ITGAE: variants seen among roughly 807,000 people sequenced by gnomAD.
The protein encoded by ITGAE is integrin alpha-E.
A neutral mutation model predicts 136.5 loss-of-function variants in ITGAE; 99 were observed. The ratio of observed to expected loss-of-function variants is 0.73; its 90% confidence interval spans 0.62 to 0.86. The LOEUF (loss-of-function observed/expected upper bound fraction) is 0.86. ITGAE is among the 40% of genes least tolerant of loss of function. ITGAE has a pLI of 0.00. For missense variants in ITGAE, 1,447 were observed against 1,515.3 expected, an observed-to-expected ratio of 0.95 and a Z score of 0.75; for synonymous variants, 613 against 591.8, an observed-to-expected ratio of 1.04 and a Z score of -0.52.
intron 1 of ITGAE, among the ~76,000 whole-genome samples, chr17:3,800,646 A>G (rs540428085): frequency 6.6e-6 from 1 of 152,076 alleles, no homozygotes; most frequent in South Asian, 2.1e-4. Flanking sequence ...CACACCCTCT[A>G]CCATACAGAC....
chr17:3,765,122 G>A (rs530663690), intron 2 of ITGAE, among the ~76,000 whole-genome samples: 2 of 152,268 alleles, frequency 1.3e-5, no homozygotes, highest in East Asian at 3.9e-4. Flanking sequence ...GGCCGAGGCA[G>A]GCAGATCACG....
intron 9 of ITGAE, 100 bp downstream of exon 9, chr17:3,757,606 G>A (rs2052059991): frequency 2.3e-6 from 3 of 1,282,200 alleles, no homozygotes; most frequent in Non-Finnish European, 3.3e-6. Context: ...AACAGGGTCT[G>A]GATAAGCTGC....
rs2976237 is a variant in ITGAE, at chr17:3,762,401, C to A, written c.248-419G>T. On this transcript the variant is annotated intron_variant, in intron 3 of 30. Transcript: ENST00000263087. Reference sequence around the variant, plus strand: ...ACTGGCTGTGTGGACCAAGGAACCCCCCAGCCTCACAGACCCATCCTGGGG... The same window carrying A: ...ACTGGCTGTGTGGACCAAGGAACCCACCAGCCTCACAGACCCATCCTGGGG... 3.3e-5 allele frequency among the ~76,000 whole-genome samples: 5 copies of A among 151,816 alleles called. 1 individual carries two copies. The highest frequency in any genetic ancestry group is 7.4e-5 in the Non-Finnish European group (5 of 67,968).
chr17:3,752,464 A>G (rs1192243860), intron 14 of ITGAE, among the ~76,000 whole-genome samples: 4 of 152,190 alleles, frequency 2.6e-5, no homozygotes, highest in African/African-American at 9.7e-5. Context: ...CAGCTGTAAG[A>G]GATGTTATCA....
intron 19 of ITGAE, 114 bp downstream of exon 19, chr17:3,743,375 T>C (rs1448196276): frequency 8.0e-7 from 1 of 1,242,550 alleles, no homozygotes; most frequent in African/African-American, 1.5e-5. Flanking sequence ...GGGGCCCAAA[T>C]GCCGTCTGAA....
intron 23 of ITGAE, among the ~76,000 whole-genome samples, chr17:3,730,010 C>T (rs574271429): frequency 8.5e-5 from 13 of 152,300 alleles, no homozygotes; most frequent in African/African-American, 2.2e-4. Flanking sequence ...AAGCCCAACA[C>T]GCATTAGCTA....
chr17:3,797,880 G>C (rs1313878472), intron 1 of ITGAE, among the ~76,000 whole-genome samples: 1 of 152,094 alleles, frequency 6.6e-6, no homozygotes, highest in Admixed American at 6.5e-5. Context: ...CTCTCCCCCA[G>C]ATTCCAACTA....
intron 19 of ITGAE, 139 bp from the exon 20 acceptor site, chr17:3,740,017 G>A (rs1031539319): frequency 4.4e-6 from 3 of 689,234 alleles, no homozygotes; most frequent in Non-Finnish European, 7.9e-6. Context: ...GAGGTGAGGG[G>A]TGCAGGCTGG....
At chr17:3,734,722 G>A in intron 21 of ITGAE, 95 bp downstream of exon 21, 1 of 1,473,316 alleles carries the variant, frequency 6.8e-7, no homozygotes, top group Non-Finnish European at 9.4e-7. Context: ...GAGGCTGGAG[G>A]CAGGGGTGCC....
At chr17:3,740,178 TCATGCGAATTCAG>T (rs2143014129) in intron 19 of ITGAE, among the ~76,000 whole-genome samples, 1 of 152,308 alleles carries the variant, frequency 6.6e-6, no homozygotes, top group East Asian at 1.9e-4. Context: ...GACATTTACA[TCATGCGAATTCAG>T]CAGCAACACA....
At chr17:3,767,028 G>A (rs181652063) in intron 2 of ITGAE, among the ~76,000 whole-genome samples, 3 of 151,404 alleles carry the variant, frequency 2.0e-5, no homozygotes, top group South Asian at 2.1e-4. Context: ...TCACTTCGTC[G>A]TGTTTTCACT....
chr17:3,724,826 G>A (rs1313405335), intron 26 of ITGAE: 3 of 1,614,168 alleles, frequency 1.9e-6, no homozygotes, highest in East Asian at 2.2e-5. Context: ...CCACAGGCCA[G>A]GACTCTTGTC....
chr17:3,742,219 C>T (rs889308783), intron 19 of ITGAE, among the ~76,000 whole-genome samples: 1 of 152,146 alleles, frequency 6.6e-6, no homozygotes, highest in African/African-American at 2.4e-5. Flanking sequence ...GAGTGAGAAA[C>T]CCTTCCAGAT....
chr17:3,781,070 A>G (rs1417658265), intron 1 of ITGAE, among the ~76,000 whole-genome samples: 3 of 152,200 alleles, frequency 2.0e-5, no homozygotes, highest in Non-Finnish European at 4.4e-5. Context: ...CTGCCTACTC[A>G]TGTACATTAT....
chr17:3,762,174 C>G (rs2052189434), intron 3 of ITGAE, among the ~76,000 whole-genome samples, 192 bp from the exon 4 acceptor site: 1 of 152,222 alleles, frequency 6.6e-6, no homozygotes, highest in Non-Finnish European at 1.5e-5. Context: ...GCCGAGTGCC[C>G]ATCCCCGGGG....
intron 1 of ITGAE, among the ~76,000 whole-genome samples, chr17:3,794,011 T>G (rs894835775): frequency 1.4e-5 from 2 of 142,782 alleles, no homozygotes; most frequent in African/African-American, 5.3e-5. Context: ...GGAGTCTTGC[T>G]ATTGTCGCCC....
At chr17:3,780,155 G>T (rs1303094859) in intron 1 of ITGAE, among the ~76,000 whole-genome samples, 2 of 143,892 alleles carry the variant, frequency 1.4e-5, no homozygotes, top group East Asian at 2.0e-4. Flanking sequence ...TGGTTTTTTT[G>T]TTTGTTTGTT....
At chr17:3,800,750 C>T (rs922683672) in intron 1 of ITGAE, among the ~76,000 whole-genome samples, 1 of 152,186 alleles carries the variant, frequency 6.6e-6, no homozygotes, top group African/African-American at 2.4e-5. Flanking sequence ...CTCTGCCAGG[C>T]GGAGCCTCCA....
rs773606546 is a variant in ITGAE, at chr17:3,723,722, C to T, written c.3107G>A (p.Ser1036Asn). 3 of 1,605,968 alleles carry T rather than the reference C, an allele frequency of 1.9e-6. No individual in the cohort carries two copies. Among genetic ancestry groups the T allele is most frequent in the African/African-American group, 2.7e-5 (2 of 74,842 alleles). The change falls in exon 27 of 31, where the codon AGT becomes AAT. Residue 1036 changes from serine to asparagine, a missense_variant. By Grantham distance (46) the Ser-to-Asn change is conservative. Coordinates refer to ENST00000263087, the MANE Select transcript of ITGAE (RefSeq NM_002208.5). Reference protein sequence around the residue: ...RTQASTVCTWSQERACAYSSV... With the variant: ...RTQASTVCTWNQERACAYSSV... Reference sequence around the variant, plus strand: ...ACTGTACGCACAAGCGCGCTCCTGACTCCAGGTGCACACCGTGGAGGCCTG... The same window carrying T: ...ACTGTACGCACAAGCGCGCTCCTGATTCCAGGTGCACACCGTGGAGGCCTG...
Sources: allele counts gnomAD v4.1 joint callset (sites outside exome capture counted in the v4.1 genomes callset), GRCh38; gene constraint gnomAD v4.1.1; transcripts MANE v1.5; gene names NCBI Gene and HGNC (gene_info 2026-07-23, HGNC 2026-07-21).